RBFOX3: variants seen among roughly 807,000 people sequenced by gnomAD.
The protein encoded by RBFOX3 is RNA binding fox-1 homolog 3.
A neutral mutation model predicts 48.7 loss-of-function variants in RBFOX3; 17 were observed. The observed-to-expected ratio is 0.35, with a 90% CI of 0.24 to 0.52. The LOEUF is 0.52. Ranked by LOEUF, RBFOX3 falls within the 20% of genes least tolerant of loss-of-function variation. The probability of loss-of-function intolerance (pLI) is 0.94; values close to 1 mark genes in which losing one functional copy is unlikely to be tolerated. For synonymous variants in RBFOX3, 212 were observed against 209.5 expected (o/e 1.01, Z -0.10); for missense variants, 382 against 497.5 (o/e 0.77, Z 2.21).
chr17:79,180,107 G>T (rs1275752001), intron 4 of RBFOX3, among the ~76,000 whole-genome samples: 3 of 152,196 alleles, frequency 2.0e-5, no homozygotes, highest in African/African-American at 7.2e-5. Context: ...GGGATGGTCG[G>T]AACTCAGAAA....
At chr17:79,172,646 C>T (rs959989323) in intron 4 of RBFOX3, among the ~76,000 whole-genome samples, 1 of 152,194 alleles carries the variant, frequency 6.6e-6, no homozygotes, top group African/African-American at 2.4e-5. Context: ...GTTGCTGTGT[C>T]CAACAGAAAA....
At position 79,351,146 on chromosome 17, in the gene RBFOX3, G is replaced by A. The variant is rs1281745539; in HGVS notation, c.-174-43322C>T. 2.0e-5 allele frequency among the ~76,000 whole-genome samples: 3 copies of A among 152,206 alleles called. No individual in the cohort carries two copies. In the East Asian group the frequency reaches 5.8e-4, roughly 29 times the overall value. ...TATTCATGGATAGACCACATTTTGT[G>A]TATCTGTTCATCCATCGACAGACAC... On this transcript the variant is annotated intron_variant, in intron 2 of 14. Coordinates refer to ENST00000693108, the MANE Select transcript of RBFOX3 (RefSeq NM_001350451.2).
At chr17:79,407,335 A>G (rs2148515544) in intron 2 of RBFOX3, among the ~76,000 whole-genome samples, 1 of 152,348 alleles carries the variant, frequency 6.6e-6, no homozygotes, top group Non-Finnish European at 1.5e-5. Context: ...TAAAAGTAAC[A>G]ATAGAAATCT....
intron 1 of RBFOX3, among the ~76,000 whole-genome samples, chr17:79,524,243 G>A (rs1387330074): frequency 6.6e-6 from 1 of 152,144 alleles, no homozygotes; most frequent in Non-Finnish European, 1.5e-5. Flanking sequence ...GTTTGGGCAG[G>A]CTTACCAACA....
intron 1 of RBFOX3, among the ~76,000 whole-genome samples, chr17:79,547,479 C>G (rs1161238804): frequency 6.6e-6 from 1 of 151,714 alleles, no homozygotes; most frequent in African/African-American, 2.4e-5. Context: ...AACAAAAAAA[C>G]TGTTGCTTGT....
intron 1 of RBFOX3, among the ~76,000 whole-genome samples, chr17:79,581,958 A>G (rs1279369558): frequency 7.8e-5 from 11 of 141,170 alleles, no homozygotes; most frequent in South Asian, 4.7e-4. Flanking sequence ...GTGCCTGCCC[A>G]TGTATGTGCC....
At chr17:79,416,969 TG>T (rs1555719448) in intron 2 of RBFOX3, among the ~76,000 whole-genome samples, 1 of 152,214 alleles carries the variant, frequency 6.6e-6, no homozygotes, top group East Asian at 1.9e-4. Context: ...CACAGTTGCC[TG>T]GTAAGCCCCA....
chr17:79,231,049 A>G (rs899159494), intron 4 of RBFOX3, among the ~76,000 whole-genome samples: 4 of 152,174 alleles, frequency 2.6e-5, no homozygotes, highest in African/African-American at 9.7e-5. Context: ...CAGTCGTCCC[A>G]GCTGACTGTC....
intron 2 of RBFOX3, among the ~76,000 whole-genome samples, chr17:79,468,121 T>C (rs1019810540): frequency 6.6e-6 from 1 of 152,104 alleles, no homozygotes; most frequent in Non-Finnish European, 1.5e-5. Context: ...CCAGGAAACA[T>C]GACTTTGACC....
At chr17:79,228,258 G>A (rs144214493) in intron 4 of RBFOX3, among the ~76,000 whole-genome samples, 55 of 152,284 alleles carry the variant, frequency 3.6e-4, no homozygotes, top group African/African-American at 1.1e-3. Context: ...AAAGCTGTCC[G>A]CTCCGGAGCG....
chr17:79,307,418 C>T (rs2076248041), intron 3 of RBFOX3, among the ~76,000 whole-genome samples: 1 of 152,238 alleles, frequency 6.6e-6, no homozygotes, highest in Non-Finnish European at 1.5e-5. Context: ...ATGGGCAACC[C>T]AAGGATAATT....
At chr17:79,157,383 G>C (rs780262812) in intron 4 of RBFOX3, among the ~76,000 whole-genome samples, 1 of 152,170 alleles carries the variant, frequency 6.6e-6, no homozygotes, top group African/African-American at 2.4e-5. Flanking sequence ...CACAGACACT[G>C]ACCACAAAGC....
intron 2 of RBFOX3, among the ~76,000 whole-genome samples, chr17:79,436,681 C>A (rs550362613): frequency 2.6e-5 from 4 of 152,140 alleles, no homozygotes; most frequent in Non-Finnish European, 2.9e-5. Flanking sequence ...AACAAAGGCG[C>A]CTGCTTATGT....
chr17:79,345,064 C>G (rs1046279889), intron 2 of RBFOX3, among the ~76,000 whole-genome samples: 20 of 152,378 alleles, frequency 1.3e-4, no homozygotes, highest in African/African-American at 4.6e-4. Flanking sequence ...TGACTGTTCT[C>G]TGCCTGTAGG....
intron 1 of RBFOX3, among the ~76,000 whole-genome samples, chr17:79,605,663 C>T (rs2093812126): frequency 6.6e-6 from 1 of 152,242 alleles, no homozygotes; most frequent in African/African-American, 2.4e-5. Context: ...TAAATTCCTG[C>T]TAAAAATACA....
intron 1 of RBFOX3, among the ~76,000 whole-genome samples, chr17:79,530,453 G>A (rs2087560050): frequency 6.6e-6 from 1 of 152,058 alleles, no homozygotes; most frequent in African/African-American, 2.4e-5. Flanking sequence ...CTCCGCCTTT[G>A]TGCCGCAGCC....
At chr17:79,498,846 C>T (rs2081977197) in intron 1 of RBFOX3, among the ~76,000 whole-genome samples, 1 of 143,208 alleles carries the variant, frequency 7.0e-6, no homozygotes, top group Non-Finnish European at 1.5e-5. Flanking sequence ...CATCCTTCCA[C>T]CCACCACATC....
chr17:79,542,715 G>A (rs771985228), intron 1 of RBFOX3, among the ~76,000 whole-genome samples: 14 of 152,162 alleles, frequency 9.2e-5, no homozygotes, highest in African/African-American at 2.4e-4. Context: ...CCCAGGCGGC[G>A]GAGGCTGCAG....
chr17:79,581,033 G>A (rs1025993262), intron 1 of RBFOX3, among the ~76,000 whole-genome samples: 17 of 152,248 alleles, frequency 1.1e-4, no homozygotes, highest in African/African-American at 4.1e-4. Context: ...AGATCACGAG[G>A]TCAGGAGATC....
Sources: allele counts gnomAD v4.1 joint callset (sites outside exome capture counted in the v4.1 genomes callset), GRCh38; gene constraint gnomAD v4.1.1; transcripts MANE v1.5; gene names NCBI Gene and HGNC (gene_info 2026-07-23, HGNC 2026-07-21).